Variants in SLCO3A1 observed in about 807,000 individuals in gnomAD.
SLCO3A1 encodes the protein PGE1 transporter.
SLCO3A1 carries 27 observed loss-of-function variants against 63.1 expected under a neutral mutation model. The observed-to-expected ratio is 0.43, with a 90% CI of 0.32 to 0.59. The LOEUF (loss-of-function observed/expected upper bound fraction) is 0.59. SLCO3A1 is among the 20% of genes least tolerant of loss of function. The probability of loss-of-function intolerance (pLI) is 0.09; values close to 1 mark genes in which losing one functional copy is unlikely to be tolerated. For missense variants in SLCO3A1, 773 were observed against 945.8 expected (o/e 0.82, Z 2.40); for synonymous variants, 473 against 409.9 (o/e 1.15, Z -1.86).
intron 2 of SLCO3A1, among the ~76,000 whole-genome samples, chr15:92,076,770 G>T (rs2047282622): frequency 6.6e-6 from 1 of 152,190 alleles, no homozygotes; most frequent in Non-Finnish European, 1.5e-5. Context: ...GCCTGTAGTC[G>T]CACAGCCTGG....
chr15:91,928,557 G>A (rs1277809063), intron 2 of SLCO3A1, among the ~76,000 whole-genome samples: 1 of 152,158 alleles, frequency 6.6e-6, no homozygotes, highest in East Asian at 1.9e-4. Context: ...CCCCAAGAAT[G>A]TCACACTAAG....
At chr15:92,091,918 C>G (rs2151534344) in intron 2 of SLCO3A1, among the ~76,000 whole-genome samples, 1 of 152,336 alleles carries the variant, frequency 6.6e-6, no homozygotes, top group South Asian at 2.1e-4. Flanking sequence ...AAACCCACAC[C>G]TTCTCATAGA....
At chr15:92,050,552 G>A (rs186332137) in intron 2 of SLCO3A1, among the ~76,000 whole-genome samples, 2 of 152,144 alleles carry the variant, frequency 1.3e-5, no homozygotes, top group African/African-American at 2.4e-5. Context: ...CACATCTTAC[G>A]TGTCAGTAAA....
At chr15:92,050,504 ATGGTCGGAAG>A (rs1177640215) in intron 2 of SLCO3A1, among the ~76,000 whole-genome samples, 1 of 152,190 alleles carries the variant, frequency 6.6e-6, no homozygotes. Flanking sequence ...GCACACTGGT[ATGGTCGGAAG>A]TGGATACAAG....
chr15:91,975,384 T>C (rs1274283593), intron 2 of SLCO3A1, among the ~76,000 whole-genome samples: 1 of 152,246 alleles, frequency 6.6e-6, no homozygotes, highest in East Asian at 1.9e-4. Flanking sequence ...TCCCCTGCAG[T>C]TGGCTCCCTA....
At position 91,874,768 on chromosome 15, in the gene SLCO3A1, G is replaced by A. The variant is rs548018462; in HGVS notation, c.180+20680G>A. ...CCCACTAGGTTAACTTTTTGAAGGG[G>A]TTGGGTCAGTTGTCATTCCACAGAA... On this transcript the variant is annotated intron_variant, in intron 1 of 9. Transcript: ENST00000318445. Among the ~76,000 whole-genome samples the A allele has an allele frequency of 2.4e-4, 36 of 152,322 alleles. No homozygotes were observed. The South Asian group carries it at 7.4e-3, about 32-fold the overall frequency.
At chr15:92,074,889 C>T (rs2047259263) in intron 2 of SLCO3A1, among the ~76,000 whole-genome samples, 1 of 152,176 alleles carries the variant, frequency 6.6e-6, no homozygotes, top group Non-Finnish European at 1.5e-5. Context: ...GTACTTCACA[C>T]CCGTGGCATA....
chr15:92,159,127 T>C (rs1250282565), intron 9 of SLCO3A1, among the ~76,000 whole-genome samples: 5 of 152,198 alleles, frequency 3.3e-5, no homozygotes, highest in Non-Finnish European at 7.3e-5. Context: ...AACTCCATTT[T>C]AAAGATGAAG....
rs4932586 is a variant in SLCO3A1 at position 91,897,813 on chromosome 15, T to C, written c.181-18180T>C. Among the ~76,000 whole-genome samples the C allele has an allele frequency of 0.47, 70,871 of 151,990 alleles. 17,294 individuals carry two copies. Among genetic ancestry groups the C allele is most frequent in the East Asian group, 0.78 (4,033 of 5,152 alleles). The stretch of plus-strand genomic sequence containing the variant: ...CTGTTCTCTCTATTTTCTGACCTGC[T>C]CAGGCATCCTGCAATGGATGACATG... On this transcript the variant is annotated intron_variant, in intron 1 of 9. Coordinates refer to ENST00000318445, the MANE Select transcript of SLCO3A1 (RefSeq NM_013272.4). This position sits in a 1 kb window ranked among gnomAD's most constrained non-coding sequence, Gnocchi z 4.7.
chr15:92,126,168 A>G lies in SLCO3A1; in HGVS notation c.1282A>G (p.Asn428Asp). ...GGCCATTCGGATGGCCATGCTCGTC[A>G]ACCTGGTGTCCACTGCTTGCTACGT... ...LGAIRMAMLV[N>D]LVSTACYVSF... The change falls in exon 6 of 10, where the codon AAC becomes GAC. Residue 428 changes from asparagine to aspartate, a missense_variant. This residue lies in a region of SLCO3A1 where 565 missense variants were observed against 749.8 expected (regional missense o/e 0.75). Transcript: ENST00000318445. 1 of 1,613,966 alleles carries G rather than the reference A, an allele frequency of 6.2e-7. No homozygotes were observed. The highest frequency in any genetic ancestry group is 8.5e-7 in the Non-Finnish European group (1 of 1,179,992).
chr15:91,929,487 C>T (rs1483027598), intron 2 of SLCO3A1, among the ~76,000 whole-genome samples: 1 of 152,132 alleles, frequency 6.6e-6, no homozygotes, highest in African/African-American at 2.4e-5. Context: ...GACTCAGCTC[C>T]TCCAGCTTAT....
chr15:91,882,067 G>T lies in SLCO3A1; in HGVS notation c.180+27979G>T, dbSNP rs1380059754. Among the ~76,000 whole-genome samples the T allele has an allele frequency of 6.6e-6, 1 of 152,164 alleles. No homozygotes were observed. Among genetic ancestry groups the T allele is most frequent in the African/African-American group, 2.4e-5 (1 of 41,432 alleles). On this transcript the variant is annotated intron_variant, in intron 1 of 9. Coordinates refer to ENST00000318445, the MANE Select transcript of SLCO3A1 (RefSeq NM_013272.4). This position sits in a 1 kb window ranked among gnomAD's most constrained non-coding sequence, Gnocchi z 4.4. ...CTGAGACCAATGTTATATGGAGGTG[G>T]AATATTACTCAAGGACATCCCCTTA...
intron 2 of SLCO3A1, among the ~76,000 whole-genome samples, chr15:91,945,226 C>T (rs1221622016): frequency 6.6e-6 from 1 of 151,802 alleles, no homozygotes; most frequent in Non-Finnish European, 1.5e-5. Context: ...CCTGTAATCT[C>T]AGCTACTTGG....
intron 2 of SLCO3A1, among the ~76,000 whole-genome samples, chr15:91,920,257 G>C (rs10775254): frequency 0.59 from 90,286 of 151,986 alleles, 27,328 homozygotes; most frequent in East Asian, 0.91. Flanking sequence ...ATCTGCTCAC[G>C]AGGCTGGGAT....
rs866225279 is a variant in SLCO3A1, at chr15:92,134,279, T to C, written c.1512+5790T>C. Among the ~76,000 whole-genome samples, 20 of 152,350 alleles carry C rather than the reference T, an allele frequency of 1.3e-4. No homozygotes were observed. In the Middle Eastern group the frequency reaches 0.01, roughly 78 times the overall value. On this transcript the variant is annotated intron_variant, in intron 7 of 9. Coordinates refer to ENST00000318445, the MANE Select transcript of SLCO3A1 (RefSeq NM_013272.4). ...GAGCTGATTTAAAAGTCTGTACTTATCCTGGTAATGGCTTGTCAGAAGGGA... is the reference window on the plus strand; with the variant it reads ...GAGCTGATTTAAAAGTCTGTACTTACCCTGGTAATGGCTTGTCAGAAGGGA...
intron 9 of SLCO3A1, among the ~76,000 whole-genome samples, chr15:92,155,829 C>A (rs911767918): frequency 6.6e-6 from 1 of 152,108 alleles, no homozygotes; most frequent in Admixed American, 6.5e-5. Context: ...TATGGAGAAG[C>A]CTTTAATAGA....
At chr15:92,020,516 A>G (rs2046496022) in intron 2 of SLCO3A1, among the ~76,000 whole-genome samples, 1 of 152,240 alleles carries the variant, frequency 6.6e-6, no homozygotes, top group Non-Finnish European at 1.5e-5. Flanking sequence ...TTGAAAATCA[A>G]TCCATTTTTA....
intron 1 of SLCO3A1, among the ~76,000 whole-genome samples, chr15:91,864,236 A>C (rs1897113138): frequency 6.6e-6 from 1 of 152,164 alleles, no homozygotes; most frequent in South Asian, 2.1e-4. Flanking sequence ...ACATCGTAGA[A>C]TCTCTGCATT....
intron 1 of SLCO3A1, among the ~76,000 whole-genome samples, chr15:91,857,973 A>G (rs541483135): frequency 1.1e-4 from 16 of 152,304 alleles, no homozygotes; most frequent in African/African-American, 3.6e-4. Context: ...GGTTGTGGTG[A>G]CAAAATAATG....
Sources: gnomAD v4.1 joint callset for allele counts (sites outside exome capture counted in the v4.1 genomes callset) on GRCh38, gnomAD v4.1.1 for gene constraint, gnomAD v4.1.1 regional missense constraint, Gnocchi (gnomAD v3.1) non-coding constraint, MANE v1.5 for transcripts, NCBI Gene and HGNC (gene_info 2026-07-23, HGNC 2026-07-21) for gene names.